Variants in RNF122 observed in about 807,000 individuals in gnomAD.
RNF122 encodes ring finger protein 122.
RNF122 carries 17 observed loss-of-function variants against 24.2 expected under a neutral mutation model. That is an observed-to-expected ratio of 0.70 (90% CI 0.48 to 1.06). RNF122 has a LOEUF of 1.06. Among genes scored for constraint, RNF122 ranks in the 50% least tolerant of loss-of-function variants. The probability of loss-of-function intolerance (pLI) is 0.00; values close to 1 mark genes in which losing one functional copy is unlikely to be tolerated. For missense variants in RNF122, 168 were observed against 198.1 expected, an observed-to-expected ratio of 0.85 and a Z score of 0.91; for synonymous variants, 65 against 71.8, an observed-to-expected ratio of 0.91 and a Z score of 0.48.
intron 5 of RNF122, 131 bp from the exon 6 acceptor site, chr8:33,548,998 A>G: frequency 1.4e-6 from 1 of 699,890 alleles, no homozygotes; most frequent in South Asian, 1.6e-5. Flanking sequence ...AGGCAGGTGG[A>G]TCACCTGAGG....
chr8:33,553,767 C>T (rs1810410802), intron 2 of RNF122, among the ~76,000 whole-genome samples: 1 of 152,140 alleles, frequency 6.6e-6, no homozygotes, highest in Non-Finnish European at 1.5e-5. Context: ...TAGCACAGTG[C>T]AGGGCAGATA....
At chr8:33,554,195 G>A (rs1810416782) in intron 2 of RNF122, among the ~76,000 whole-genome samples, 1 of 152,194 alleles carries the variant, frequency 6.6e-6, no homozygotes, top group Admixed American at 6.5e-5. Context: ...GCTCACAGCG[G>A]CCTTGAGGGA....
chr8:33,551,259 C>A (rs1810370630), intron 3 of RNF122, 85 bp downstream of exon 3: 1 of 1,547,568 alleles, frequency 6.5e-7, no homozygotes, highest in Non-Finnish European at 8.9e-7. Flanking sequence ...GATTCCTGCC[C>A]AGGAGAACCT....
chr8:33,555,885 AGGCCG>A (rs1305509913), intron 2 of RNF122, among the ~76,000 whole-genome samples: 2 of 152,122 alleles, frequency 1.3e-5, no homozygotes, highest in Non-Finnish European at 2.9e-5. Context: ...GAGTGGCTAA[AGGCCG>A]GGCACGGTGG....
At chr8:33,560,974 G>A (rs1275903141) in intron 1 of RNF122, among the ~76,000 whole-genome samples, 2 of 152,036 alleles carry the variant, frequency 1.3e-5, no homozygotes, top group Non-Finnish European at 2.9e-5. Flanking sequence ...AATGGCTGAG[G>A]ATGGCAGAAG....
At chr8:33,556,745 C>T (rs529160520) in intron 2 of RNF122, among the ~76,000 whole-genome samples, 1 of 152,162 alleles carries the variant, frequency 6.6e-6, no homozygotes, top group African/African-American at 2.4e-5. Context: ...TGGTTAGATG[C>T]AATCTTCAGA....
At chr8:33,551,304 G>A (rs373888359) in intron 3 of RNF122, 40 bp downstream of exon 3, 3 of 1,610,940 alleles carry the variant, frequency 1.9e-6, no homozygotes, top group African/African-American at 1.3e-5. Context: ...TATCAGGTCA[G>A]GCAGAGAAGG....
intron 1 of RNF122, among the ~76,000 whole-genome samples, chr8:33,561,176 C>T (rs1397999759): frequency 1.3e-5 from 2 of 152,134 alleles, no homozygotes; most frequent in Non-Finnish European, 2.9e-5. Context: ...CTAGGAAAGC[C>T]CAGCTCCAAA....
rs746962930 is a variant in RNF122 at position 33,566,715 on chromosome 8, T to C, written c.9A>G (p.Pro3=). ...GGGACTCACCGTTACACCACTGGAA[T>C]GGGTGCATCAATGAAGTCGCGGTTG... The part of the protein sequence containing the change: MH[P]FQWCNGCFCG... The change falls in exon 1 of 6, where the codon CCA becomes CCG. Residue 3 remains proline, a synonymous_variant. Transcript: ENST00000256257. 6.9e-6 allele frequency: 11 copies of C among 1,605,300 alleles called. 1 individual carries two copies. Among genetic ancestry groups the C allele is most frequent in the African/African-American group, 6.7e-5 (5 of 74,730 alleles).
chr8:33,564,370 A>C (rs1810589994), intron 1 of RNF122, among the ~76,000 whole-genome samples: 1 of 150,364 alleles, frequency 6.7e-6, no homozygotes, highest in Non-Finnish European at 1.5e-5. Flanking sequence ...CAATGTAGTG[A>C]AACCCTATCC....
intron 1 of RNF122, among the ~76,000 whole-genome samples, chr8:33,559,919 GC>G (rs1810515191): frequency 6.7e-6 from 1 of 148,424 alleles, no homozygotes; most frequent in Non-Finnish European, 1.5e-5. Context: ...TTGGCTCACT[GC>G]AAACCCCGCC....
intron 2 of RNF122, among the ~76,000 whole-genome samples, chr8:33,557,791 T>C (rs556480904): frequency 9.8e-6 from 1 of 102,394 alleles, no homozygotes; most frequent in Non-Finnish European, 1.9e-5. Context: ...ATGACAGTTT[T>C]TTAGGTTTGT....
intron 2 of RNF122, among the ~76,000 whole-genome samples, chr8:33,553,988 C>G (rs1226513296): frequency 6.6e-6 from 1 of 152,218 alleles, no homozygotes; most frequent in Non-Finnish European, 1.5e-5. Context: ...AAAGGCCTAA[C>G]CAAGGCTCCC....
Position 33,566,921 on chromosome 8 carries a change from G to T in RNF122, c.-198C>A. The T allele has an allele frequency of 1.6e-6, 1 of 627,658 alleles. No individual in the cohort carries two copies. The highest frequency in any genetic ancestry group is 2.8e-6 in the Non-Finnish European group (1 of 351,190). The allele number at this position is 627,658 out of a possible 1,614,324, so 38.9% of individuals were successfully genotyped here. A position where few individuals can be genotyped will look rare whatever the true frequency, so the allele number is the denominator to read the frequency against. On this transcript the variant is annotated 5_prime_UTR_variant, in exon 1 of 6. Transcript: ENST00000256257. ...GGTGTTCAGCCCAACAAAGAGGGAC[G>T]AGGAGGAAACAAACAAAGTCCCGCG...
At chr8:33,564,426 G>C (rs2128840839) in intron 1 of RNF122, among the ~76,000 whole-genome samples, 1 of 152,286 alleles carries the variant, frequency 6.6e-6, no homozygotes, top group South Asian at 2.1e-4. Flanking sequence ...TTAGCCAGTA[G>C]CCAGGTATGG....
intron 4 of RNF122, among the ~76,000 whole-genome samples, chr8:33,550,544 T>C (rs560089038): frequency 1.3e-5 from 2 of 151,732 alleles, no homozygotes; most frequent in South Asian, 4.2e-4. Context: ...CAAGTCAGAG[T>C]TGAGGGGACT....
chr8:33,550,943 A>C, intron 4 of RNF122, 101 bp downstream of exon 4: 2 of 1,085,178 alleles, frequency 1.8e-6, no homozygotes, highest in Non-Finnish European at 1.4e-6. Flanking sequence ...GAAGGCATGG[A>C]CTAAGCAGTT....
chr8:33,551,242 C>T (rs1410537384), intron 3 of RNF122, 102 bp downstream of exon 3: 1 of 1,503,238 alleles, frequency 6.7e-7, no homozygotes, highest in Non-Finnish European at 9.3e-7. Context: ...AGAGGTGAGG[C>T]CAGGGGGATT....
chr8:33,561,108 TC>T (rs11356110), intron 1 of RNF122, among the ~76,000 whole-genome samples: 93,336 of 151,504 alleles, frequency 0.62, 29,820 homozygotes, highest in African/African-American at 0.79. Context: ...AAAGGTTACT[TC>T]CCCCCGCCAA....
Sources: gnomAD v4.1 joint callset for allele counts (sites outside exome capture counted in the v4.1 genomes callset) on GRCh38, gnomAD v4.1.1 for gene constraint, MANE v1.5 for transcripts, NCBI Gene and HGNC (gene_info 2026-07-23, HGNC 2026-07-21) for gene names.